The following PHYH variants were observed in gnomAD, a reference collection of about 807,000 sequenced individuals.
PHYH encodes phytanoyl-CoA 2-hydroxylase.
In PHYH, 32 loss-of-function variants were observed where a neutral mutation model predicts 38.5. The ratio of observed to expected loss-of-function variants is 0.83; its 90% confidence interval spans 0.63 to 1.12. PHYH has a LOEUF of 1.12. Ranked by LOEUF, PHYH falls within the 50% of genes most tolerant of loss-of-function variation. The pLI is 0.00. For missense variants in PHYH, 426 were observed against 434.8 expected (o/e 0.98, Z 0.18); for synonymous variants, 166 against 157.9 (o/e 1.05, Z -0.38).
chr10:13,292,027 A>T (rs2131646260), intron 4 of PHYH, 115 bp from the exon 5 acceptor site: 1 of 734,980 alleles, frequency 1.4e-6, no homozygotes, highest in Admixed American at 2.1e-5. Flanking sequence ...TAGTTTAAGA[A>T]CCAAGCGGTA....
rs1260191073 is a variant in PHYH, at chr10:13,295,845, AAAT to A, written c.135-242_135-240del. On this transcript the variant is annotated intron_variant, in intron 2 of 8. Transcript: ENST00000263038. ...AGACCCTGTCTCAAAAAAAAAAAAA[AAAT>A]TTAAATTACATCCTAAAAATATGTA... Among the ~76,000 whole-genome samples, 5 of 136,070 alleles carry A rather than the reference AAAT, an allele frequency of 3.7e-5. No homozygotes were observed. In the South Asian group the frequency reaches 7.0e-4, roughly 19 times the overall value. 89.3% of individuals were successfully genotyped at this position (136,070 alleles called of 152,430 possible). A position where few individuals can be genotyped will look rare whatever the true frequency, so the allele number is the denominator to read the frequency against.
chr10:13,288,680 C>G, intron 5 of PHYH, 139 bp from the exon 6 acceptor site: 2 of 760,260 alleles, frequency 2.6e-6, no homozygotes, highest in Admixed American at 4.4e-5. Context: ...CCTGGGAGTT[C>G]AAAACCATCC....
intron 6 of PHYH, among the ~76,000 whole-genome samples, chr10:13,286,892 G>A (rs1401764773): frequency 1.3e-5 from 2 of 152,200 alleles, no homozygotes; most frequent in East Asian, 3.8e-4. Context: ...GTTGCCTAGA[G>A]CAGGGAGAAG....
intron 3 of PHYH, chr10:13,295,125 C>T: frequency 3.6e-6 from 1 of 281,200 alleles, no homozygotes. Context: ...GAGTTCAAGA[C>T]CAGCCTGGGC....
At chr10:13,282,838 CTT>C (rs1212444083) in intron 7 of PHYH, among the ~76,000 whole-genome samples, 9 of 151,914 alleles carry the variant, frequency 5.9e-5, no homozygotes, top group Admixed American at 2.6e-4. Flanking sequence ...ATTGCAGAGT[CTT>C]TTTTTGGCAT....
chr10:13,295,528 A>ATT lies in PHYH; in HGVS notation c.211_212dup (p.Asn71LysfsTer24). ...GTTGAATATCGGCATCAGGTACAAG[A>ATT]TTTTTGATTACTAGAAACCCATTTT... On this transcript the variant is annotated frameshift_variant, in exon 3 of 9. Transcript: ENST00000263038. LOFTEE classifies it high-confidence loss of function. 6.4e-7 allele frequency: 1 copy of ATT among 1,566,192 alleles called. No homozygotes were observed. Among genetic ancestry groups the ATT allele is most frequent in the Non-Finnish European group, 8.8e-7 (1 of 1,136,292 alleles).
chr10:13,282,591 C>CAAAA (rs890313204), intron 7 of PHYH, among the ~76,000 whole-genome samples: 3 of 79,390 alleles, frequency 3.8e-5, no homozygotes, highest in Admixed American at 1.4e-4. Flanking sequence ...GACTCCACCT[C>CAAAA]AAAAAAAAAA....
At chr10:13,292,068 A>T (rs1229466204) in intron 4 of PHYH, among the ~76,000 whole-genome samples, 156 bp from the exon 5 acceptor site, 3 of 152,132 alleles carry the variant, frequency 2.0e-5, no homozygotes, top group African/African-American at 4.8e-5. Flanking sequence ...AGCATGAAAA[A>T]CCCAGCCATT....
chr10:13,278,181 A>G lies in PHYH; in HGVS notation c.*120T>C, dbSNP rs1027232492. The G allele has an allele frequency of 2.6e-5, 19 of 740,864 alleles. No individual in the cohort carries two copies. The African/African-American group carries it at 3.1e-4, about 12-fold the overall frequency. The allele number at this position is 740,864 out of a possible 1,614,324, so 45.9% of individuals were successfully genotyped here. On this transcript the variant is annotated 3_prime_UTR_variant, in exon 9 of 9. Transcript: ENST00000263038. ...CTCTATGCAATTAAGTACCTGATAC[A>G]TGTTTTCTGCTTTTAACAAGTGATA...
In PHYH at chr10:13,281,402, T is replaced by G. The variant is rs545520330; in HGVS notation, c.829-292A>C. Among the ~76,000 whole-genome samples the G allele has an allele frequency of 5.2e-3, 791 of 152,004 alleles. 9 individuals are homozygous for G. The highest frequency in any genetic ancestry group is 0.018 in the African/African-American group (736 of 41,430). On this transcript the variant is annotated intron_variant, in intron 7 of 8. Transcript: ENST00000263038. The stretch of plus-strand genomic sequence containing the variant: ...TTATGTCAGTAAGAGGTATTTAGTT[T>G]TTTTTTTTTTTAGCATTTTATTTTC...
chr10:13,296,389 T>C (rs1451680648), intron 2 of PHYH, among the ~76,000 whole-genome samples: 1 of 150,268 alleles, frequency 6.7e-6, no homozygotes, highest in Non-Finnish European at 1.5e-5. Context: ...CCAGCCTGAC[T>C]CACATGATGA....
At chr10:13,295,198 G>A in intron 3 of PHYH, 1 of 378,632 alleles carries the variant, frequency 2.6e-6, no homozygotes, top group South Asian at 2.7e-5. Context: ...GTATGGTGGT[G>A]CACAACTGTG....
chr10:13,298,789 A>C (rs1028453659), intron 1 of PHYH, among the ~76,000 whole-genome samples: 11 of 123,674 alleles, frequency 8.9e-5, no homozygotes, highest in Middle Eastern at 4.2e-3. Context: ...ACTAATAATA[A>C]TAATACAAAT....
At position 13,294,512 on chromosome 10, in the gene PHYH, T is replaced by C. The variant is rs763262037; in HGVS notation, c.330A>G (p.Glu110=). 5.0e-6 allele frequency: 8 copies of C among 1,613,862 alleles called. No homozygotes were observed. The East Asian group carries it at 1.8e-4, about 36-fold the overall frequency. The change falls in exon 4 of 9, where the codon GAA becomes GAG. Residue 110 remains glutamate (E), a synonymous_variant. Coordinates refer to ENST00000263038, the MANE Select transcript of PHYH (RefSeq NM_006214.4). ...VMRDVTISKS[E]YAPSEKMITK... Reference sequence around the variant, plus strand: ...TGATCATCTTCTCACTTGGAGCATATTCGGATTTCGAAATGGTCACATCTC... The same window carrying C: ...TGATCATCTTCTCACTTGGAGCATACTCGGATTTCGAAATGGTCACATCTC...
chr10:13,290,834 C>T (rs1835691698), intron 5 of PHYH, among the ~76,000 whole-genome samples: 2 of 152,262 alleles, frequency 1.3e-5, no homozygotes, highest in East Asian at 1.9e-4. Flanking sequence ...CGGTGGCTCA[C>T]ACCTGTAATC....
At chr10:13,286,466 G>A (rs1444168602) in intron 6 of PHYH, among the ~76,000 whole-genome samples, 1 of 152,094 alleles carries the variant, frequency 6.6e-6, no homozygotes, top group Non-Finnish European at 1.5e-5. Flanking sequence ...ACTTTGGGAG[G>A]CCGAGGCAGG....
intron 2 of PHYH, among the ~76,000 whole-genome samples, chr10:13,297,722 A>G (rs1832600442): frequency 6.7e-6 from 1 of 149,904 alleles, no homozygotes; most frequent in Non-Finnish European, 1.5e-5. Context: ...TTGGCCTCCC[A>G]AAGTGCTGGG....
intron 6 of PHYH, among the ~76,000 whole-genome samples, chr10:13,287,123 G>A (rs995412021): frequency 4.6e-5 from 7 of 152,160 alleles, no homozygotes; most frequent in Admixed American, 3.3e-4. Context: ...GGCGGATCAC[G>A]AGTTAAAGAG....
At chr10:13,288,246 T>C (rs1339335732) in intron 6 of PHYH, 114 bp downstream of exon 6, 4 of 934,728 alleles carry the variant, frequency 4.3e-6, no homozygotes, top group South Asian at 1.4e-5. Context: ...CTTAGGACAA[T>C]GTTTTGCTCA....
Sources: allele counts gnomAD v4.1 joint callset (sites outside exome capture counted in the v4.1 genomes callset), GRCh38; gene constraint gnomAD v4.1.1; transcripts MANE v1.5; gene names NCBI Gene and HGNC (gene_info 2026-07-23, HGNC 2026-07-21).